The following NDST2 variants were observed in gnomAD, a reference collection of about 807,000 sequenced individuals.
NDST2 encodes the protein N-deacetylase and N-sulfotransferase 2, also known as bifunctional heparan sulfate N-deacetylase/N-sulfotransferase 2.
NDST2 carries 32 observed loss-of-function variants against 86.9 expected under a neutral mutation model. The ratio of observed to expected loss-of-function variants is 0.37; its 90% CI spans 0.28 to 0.49. The LOEUF (loss-of-function observed/expected upper bound fraction) is 0.49, where lower values mean the gene tolerates loss of function less well. Among genes scored for constraint, NDST2 ranks in the 20% least tolerant of loss-of-function variants. The pLI, the probability that NDST2 is intolerant of heterozygous loss-of-function variation, is 0.97. For synonymous variants in NDST2, 409 were observed against 437.0 expected, an observed-to-expected ratio of 0.94 and a Z score of 0.80; for missense variants, 950 against 1,146.9, an observed-to-expected ratio of 0.83 and a Z score of 2.48.
In NDST2 at chr10:73,802,156, C is replaced by T. The variant is rs540362811; in HGVS notation, c.*295G>A. On this transcript the variant is annotated 3_prime_UTR_variant, in exon 15 of 15. Transcript: ENST00000309979. ...CTGCTGCGGATGAAGAGGGAAATCT[C>T]ATTGGACTAATACATTCCCCTACAC... The T allele has an allele frequency of 1.0e-3, 521 of 500,796 alleles. No homozygotes were observed. Among genetic ancestry groups the T allele is most frequent in the Non-Finnish European group, 1.6e-3 (439 of 279,162 alleles). 31.0% of individuals were successfully genotyped at this position (500,796 alleles called of 1,614,324 possible). A position where few individuals can be genotyped will look rare whatever the true frequency, so the allele number is the denominator to read the frequency against.
rs757169243 is a variant in NDST2 at position 73,805,881 on chromosome 10, G to A, written c.1563+19C>T. The A allele has an allele frequency of 1.7e-5, 27 of 1,613,914 alleles. No individual in the cohort carries two copies. Among genetic ancestry groups the A allele is most frequent in the Middle Eastern group, 1.6e-4 (1 of 6,082 alleles). ...ACCTTGGCTCTCCAATCTTCTAGCC[G>A]TTCCTCTCAGCACCTTACCGGATTA... On this transcript the variant is annotated intron_variant, in intron 7 of 14. Coordinates refer to ENST00000309979, the MANE Select transcript of NDST2 (RefSeq NM_003635.4).
At chr10:73,810,020 G>C (rs1400390969) in intron 2 of NDST2, among the ~76,000 whole-genome samples, 1 of 151,950 alleles carries the variant, frequency 6.6e-6, no homozygotes, top group African/African-American at 2.4e-5. Flanking sequence ...TTCTTAAATC[G>C]ACTGCTTCTG....
rs1308416052 is a variant in NDST2, at chr10:73,802,025, G to C, written c.*426C>G. Reference sequence around the variant, plus strand: ...CCCCATTCAATGTGAATGACATTAGGGAGGCCGGGCCACAGGTAGATCCCA... The same window carrying C: ...CCCCATTCAATGTGAATGACATTAGCGAGGCCGGGCCACAGGTAGATCCCA... On this transcript the variant is annotated 3_prime_UTR_variant, in exon 15 of 15. Coordinates refer to ENST00000309979, the MANE Select transcript of NDST2 (RefSeq NM_003635.4). 1 of 356,710 alleles carries C rather than the reference G, an allele frequency of 2.8e-6. No individual in the cohort carries two copies. Among genetic ancestry groups the C allele is most frequent in the Non-Finnish European group, 5.3e-6 (1 of 189,544 alleles). 22.1% of individuals were successfully genotyped at this position (356,710 alleles called of 1,614,324 possible).
chr10:73,807,257 A>C, intron 3 of NDST2, 62 bp from the exon 4 acceptor site: 2 of 1,558,972 alleles, frequency 1.3e-6, no homozygotes, highest in East Asian at 2.2e-5. Flanking sequence ...AATACATGAG[A>C]AGTAGCATTC....
At chr10:73,803,844 G>A in intron 10 of NDST2, 49 bp downstream of exon 10, 1 of 1,614,076 alleles carries the variant, frequency 6.2e-7, no homozygotes. Flanking sequence ...GGTATTTTGG[G>A]GGAAGGGAGT....
Position 73,806,426 on chromosome 10 carries a change from A to C in NDST2, c.1297T>G (p.Ser433Ala). 6.2e-7 allele frequency: 1 copy of C among 1,611,574 alleles called. No individual in the cohort carries two copies. The highest frequency in any genetic ancestry group is 8.5e-7 in the Non-Finnish European group (1 of 1,178,382). The change falls in exon 6 of 15, where the codon TCG (serine) becomes GCG (alanine). Residue 433 changes from serine to alanine, a missense_variant. By Grantham distance (99) the Ser-to-Ala change is moderately conservative (BLOSUM62 1). Transcript: ENST00000309979. The surrounding 1 kb of genome is among the most constrained non-coding windows in gnomAD (Gnocchi z 4.5). ...DLGYAVAPHH[S>A]GVYPIHTQLY... ...TGCGTGTGGATGGGGTACACACCCG[A>C]GTGGTGGGGGGCCACAGCATACCCC...
intron 8 of NDST2, 66 bp from the exon 9 acceptor site, chr10:73,804,935 CTTG>C: frequency 1.1e-6 from 1 of 927,280 alleles, no homozygotes; most frequent in East Asian, 2.8e-5. Context: ...GAGTTTCGTT[CTTG>C]TTGCCCAGGC....
Position 73,806,575 on chromosome 10 carries a change from G to T in NDST2, c.1248+82C>A. On this transcript the variant is annotated intron_variant, in intron 5 of 14. Coordinates refer to ENST00000309979, the MANE Select transcript of NDST2 (RefSeq NM_003635.4). The surrounding 1 kb of genome is among the most constrained non-coding windows in gnomAD (Gnocchi z 4.5). ...CAAATAAAGAAAAACGCAAAGGATA[G>T]GAAAAGGGTAGCCCATTAGGGGAAG... 1 of 1,578,390 alleles carries T rather than the reference G, an allele frequency of 6.3e-7. No individual in the cohort carries two copies. Among genetic ancestry groups the T allele is most frequent in the Non-Finnish European group, 8.6e-7 (1 of 1,157,076 alleles).
rs1249506485 is a variant in NDST2, at chr10:73,802,259, C to T, written c.*192G>A. 2 of 636,778 alleles carry T rather than the reference C, an allele frequency of 3.1e-6. No homozygotes were observed. Among genetic ancestry groups the T allele is most frequent in the Non-Finnish European group, 5.4e-6 (2 of 370,472 alleles). The allele number at this position is 636,778 out of a possible 1,614,324, so 39.4% of individuals were successfully genotyped here. A position where few individuals can be genotyped will look rare whatever the true frequency, so the allele number is the denominator to read the frequency against. On this transcript the variant is annotated 3_prime_UTR_variant, in exon 15 of 15. Transcript: ENST00000309979. ...TACCTAGCACTATTATGTGGGGTAC[C>T]AAAGGAAGCCCCTTTATTTGTCCCA...
rs2084089168 is a variant in NDST2, at chr10:73,805,677, C to G, written c.1656G>C (p.Trp552Cys). The G allele has an allele frequency of 6.2e-7, 1 of 1,614,086 alleles. No homozygotes were observed. Among genetic ancestry groups the G allele is most frequent in the South Asian group, 1.1e-5 (1 of 91,092 alleles). Reference sequence around the variant, plus strand: ...GAAGGGTCTGTAGGCGCAGCCGTGTCCAACACTGGAGGAAGCGCACCAAGC... The same window carrying G: ...GAAGGGTCTGTAGGCGCAGCCGTGTGCAACACTGGAGGAAGCGCACCAAGC... ...FESLVRFLQC[W>C]TRLRLQTLPP... The change falls in exon 8 of 15, where the codon TGG becomes TGC. Residue 552 changes from tryptophan to cysteine, a missense_variant. Around this residue, in one of 5 missense-constraint regions of NDST2, gnomAD observed 586 missense variants for 714.0 expected, o/e 0.82. Transcript: ENST00000309979.
chr10:73,811,424 G>A (rs548941650), intron 1 of NDST2, 50 bp downstream of exon 1: 1 of 148,188 alleles, frequency 6.7e-6, no homozygotes, highest in Non-Finnish European at 1.5e-5. Flanking sequence ...GTCTGTTGGG[G>A]GGGCCTGAGC....
At chr10:73,805,503 G>T in intron 8 of NDST2, 84 bp downstream of exon 8, 1 of 1,358,482 alleles carries the variant, frequency 7.4e-7, no homozygotes, top group Non-Finnish European at 1.0e-6. Context: ...GACAGAGCGA[G>T]ATTCTGTCTC....
chr10:73,804,897 G>A, intron 8 of NDST2, 28 bp from the exon 9 acceptor site: 2 of 1,427,900 alleles, frequency 1.4e-6, no homozygotes, highest in Non-Finnish European at 1.9e-6. Context: ...AATCAGATAA[G>A]GCCTATTTTT....
In NDST2 at chr10:73,803,675, C is replaced by G. The variant is rs1362225366; in HGVS notation, c.2041G>C (p.Asp681His). 4.3e-6 allele frequency: 7 copies of G among 1,613,982 alleles called. No individual in the cohort carries two copies. Among genetic ancestry groups the G allele is most frequent in the Non-Finnish European group, 5.9e-6 (7 of 1,180,036 alleles). ...FLFEKSATYF[D>H]SEVVPRRGAA... is the part of the protein sequence containing the mutation. Reference sequence around the variant, plus strand: ...CCCCGCCGTGGTACAACTTCAGAGTCAAAGTAGGTGGCACTTTTTTCAAAT... The same window carrying G: ...CCCCGCCGTGGTACAACTTCAGAGTGAAAGTAGGTGGCACTTTTTTCAAAT... The change falls in exon 11 of 15, where the codon GAC becomes CAC. Residue 681 changes from aspartate to histidine, a missense_variant. Asp to His is a moderately conservative substitution (Grantham distance 81). Coordinates refer to ENST00000309979, the MANE Select transcript of NDST2 (RefSeq NM_003635.4).
chr10:73,805,697 C>T lies in NDST2; in HGVS notation c.1636G>A (p.Val546Met). ...CGTGTCCAACACTGGAGGAAGCGCA[C>T]CAAGCTCTCAAAGGTGTATAGGCCC... ...RLGLYTFESL[V>M]RFLQCWTRLR... Residue 546 changes from valine to methionine, a missense_variant, in exon 8 of 15, where the codon GTG becomes ATG. Transcript: ENST00000309979. 3.1e-6 allele frequency: 5 copies of T among 1,614,166 alleles called. No individual in the cohort carries two copies. The highest frequency in any genetic ancestry group is 4.2e-6 in the Non-Finnish European group (5 of 1,180,034).
At position 73,803,686 on chromosome 10, in the gene NDST2, G is replaced by A. The variant is rs1163880920; in HGVS notation, c.2030C>T (p.Ala677Val). The change falls in exon 11 of 15, where the codon GCC becomes GTC. Residue 677 changes from alanine (A) to valine (V), a missense_variant. By Grantham distance (64) the Ala-to-Val change is moderately conservative. Around this residue, in one of 5 missense-constraint regions of NDST2, gnomAD observed 303 missense variants for 323.7 expected, o/e 0.94. Coordinates refer to ENST00000309979, the MANE Select transcript of NDST2 (RefSeq NM_003635.4). ...ASTDFLFEKS[A>V]TYFDSEVVPR... is the part of the protein sequence containing the mutation. The stretch of plus-strand genomic sequence containing the variant: ...TACAACTTCAGAGTCAAAGTAGGTG[G>A]CACTTTTTTCAAATAGGAAATCAGT... 6.2e-7 allele frequency: 1 copy of A among 1,614,144 alleles called. No individual in the cohort carries two copies. The highest frequency in any genetic ancestry group is 1.1e-5 in the South Asian group (1 of 91,082).
chr10:73,806,872 G>T lies in NDST2; in HGVS notation c.1094-61C>A, dbSNP rs1338950411. The T allele has an allele frequency of 1.9e-6, 3 of 1,590,868 alleles. No individual in the cohort carries two copies. The highest frequency in any genetic ancestry group is 2.6e-6 in the Non-Finnish European group (3 of 1,164,282). On this transcript the variant is annotated intron_variant, in intron 4 of 14. Coordinates refer to ENST00000309979, the MANE Select transcript of NDST2 (RefSeq NM_003635.4). This position sits in a 1 kb window ranked among gnomAD's most constrained non-coding sequence, Gnocchi z 4.5. ...CAGCCCCTGTTCCCTCCTTTATTTT[G>T]TAACAACACTGACCACCTTCCATCC...
chr10:73,802,339 A>C lies in NDST2; in HGVS notation c.*112T>G. ...CTCAGCCATCTCAGGCCTGGGGGCT[A>C]CTGAGGTAGAGGGGGAGGGGCCAGG... On this transcript the variant is annotated 3_prime_UTR_variant, in exon 15 of 15. Transcript: ENST00000309979. 1 of 1,161,106 alleles carries C rather than the reference A, an allele frequency of 8.6e-7. No homozygotes were observed. Among genetic ancestry groups the C allele is most frequent in the Non-Finnish European group, 1.2e-6 (1 of 812,026 alleles). The allele number at this position is 1,161,106 out of a possible 1,614,324, so 71.9% of individuals were successfully genotyped here. A position where few individuals can be genotyped will look rare whatever the true frequency, so the allele number is the denominator to read the frequency against.
rs535935862 is a variant in NDST2, at chr10:73,805,958, C to G, written c.1505G>C (p.Arg502Pro). Residue 502 changes from arginine (R) to proline (P), a missense_variant, in exon 7 of 15, where the codon CGT (arginine) becomes CCT (proline). By Grantham distance (103) the Arg-to-Pro change is moderately radical (BLOSUM62 -2). Transcript: ENST00000309979. ...ACCTCGGATGCTCCGGTCTAGTTCA[C>G]GAGAGCCTCCAGGATACTCATTATA... ...IFYNEYPGGS[R>P]ELDRSIRGGE... 11 of 1,614,066 alleles carry G rather than the reference C, an allele frequency of 6.8e-6. No homozygotes were observed. Among genetic ancestry groups the G allele is most frequent in the Admixed American group, 1.7e-5 (1 of 60,008 alleles).
Sources: allele counts gnomAD v4.1 joint callset (sites outside exome capture counted in the v4.1 genomes callset), GRCh38; gene constraint gnomAD v4.1.1; regional missense constraint gnomAD v4.1.1; non-coding constraint Gnocchi (gnomAD v3.1); transcripts MANE v1.5; gene names NCBI Gene and HGNC (gene_info 2026-07-23, HGNC 2026-07-21).